The following LDB2 variants were observed in gnomAD, a reference collection of about 807,000 sequenced individuals.
LDB2 encodes the protein LIM domain-binding protein 2.
LDB2 carries 12 observed loss-of-function variants against 44.3 expected under a neutral mutation model. That is an observed-to-expected ratio of 0.27 (90% CI 0.17 to 0.44). The LOEUF (loss-of-function observed/expected upper bound fraction) is 0.44, where lower values mean the gene tolerates loss of function less well. Ranked by LOEUF, LDB2 falls within the 20% of genes least tolerant of loss-of-function variation. The pLI is 1.00. For missense variants in LDB2, 344 were observed against 473.5 expected (o/e 0.73, Z 2.54); for synonymous variants, 164 against 174.8 (o/e 0.94, Z 0.49).
chr4:16,553,413 C>T (rs542514109), intron 5 of LDB2, among the ~76,000 whole-genome samples: 3 of 152,290 alleles, frequency 2.0e-5, no homozygotes, highest in East Asian at 1.9e-4. Context: ...CCTCCCACCT[C>T]GGCCTTCCAA....
At chr4:16,594,498 C>T (rs1201544133) in intron 3 of LDB2, among the ~76,000 whole-genome samples, 4 of 152,154 alleles carry the variant, frequency 2.6e-5, no homozygotes, top group East Asian at 3.9e-4. Flanking sequence ...CCCTTTCCTA[C>T]ATTTAAAAAA....
chr4:16,793,914 T>C (rs1260038411), intron 1 of LDB2, among the ~76,000 whole-genome samples: 3 of 152,156 alleles, frequency 2.0e-5, no homozygotes, highest in Non-Finnish European at 4.4e-5. Context: ...CATGGGGTTA[T>C]TGGTGCAATT....
At chr4:16,609,340 AGGGGAGGGGGCGGGGG>A in intron 2 of LDB2, among the ~76,000 whole-genome samples, 2 of 30,356 alleles carry the variant, frequency 6.6e-5, no homozygotes, top group African/African-American at 5.5e-4. Flanking sequence ...CTGAACTCCC[AGGGGAGGGGGCGGGGG>A]GGGGAGGGGA....
intron 1 of LDB2, among the ~76,000 whole-genome samples, chr4:16,864,109 GGA>G (rs1229933984): frequency 6.6e-6 from 1 of 151,918 alleles, no homozygotes; most frequent in Non-Finnish European, 1.5e-5. Context: ...TGAGAGAGAG[GGA>G]GAGAGAGAAA....
intron 1 of LDB2, among the ~76,000 whole-genome samples, chr4:16,879,453 C>T (rs1245055285): frequency 6.6e-6 from 1 of 152,158 alleles, no homozygotes; most frequent in Admixed American, 6.5e-5. Context: ...ACAGCCCTCC[C>T]CAGTGGGGGT....
At chr4:16,871,874 G>A (rs1027453030) in intron 1 of LDB2, among the ~76,000 whole-genome samples, 3 of 152,056 alleles carry the variant, frequency 2.0e-5, no homozygotes, top group Middle Eastern at 3.4e-3. Flanking sequence ...CGCCCACCTC[G>A]GCCTCCCAAA....
At chr4:16,860,412 A>G (rs1028394928) in intron 1 of LDB2, among the ~76,000 whole-genome samples, 2 of 152,196 alleles carry the variant, frequency 1.3e-5, no homozygotes, top group Non-Finnish European at 2.9e-5. Flanking sequence ...GCAGATGTGC[A>G]ATCTTCTCAG....
At chr4:16,877,090 C>T (rs1718647256) in intron 1 of LDB2, among the ~76,000 whole-genome samples, 1 of 152,102 alleles carries the variant, frequency 6.6e-6, no homozygotes, top group African/African-American at 2.4e-5. Flanking sequence ...TTATTCCAAA[C>T]ATTTTCAAAT....
chr4:16,751,618 T>C (rs1765513867), intron 2 of LDB2, among the ~76,000 whole-genome samples: 1 of 152,358 alleles, frequency 6.6e-6, no homozygotes, highest in South Asian at 2.1e-4. Context: ...AAGAATATTC[T>C]CTTTCTGAGC....
intron 4 of LDB2, among the ~76,000 whole-genome samples, chr4:16,586,950 C>A (rs1359116390): frequency 6.6e-6 from 1 of 152,148 alleles, no homozygotes. Context: ...TGCCTTTTCT[C>A]ATAGTGATAC....
At chr4:16,655,361 G>A (rs1380304205) in intron 2 of LDB2, among the ~76,000 whole-genome samples, 1 of 152,174 alleles carries the variant, frequency 6.6e-6, no homozygotes, top group Non-Finnish European at 1.5e-5. Flanking sequence ...CAGGTCTGGA[G>A]ACCTGCCAGG....
intron 5 of LDB2, among the ~76,000 whole-genome samples, chr4:16,578,769 A>G (rs1712952092): frequency 6.6e-6 from 1 of 152,228 alleles, no homozygotes; most frequent in South Asian, 2.1e-4. Context: ...CAGCACTATT[A>G]ACAATAGCCA....
At chr4:16,561,181 C>G (rs974606308) in intron 5 of LDB2, among the ~76,000 whole-genome samples, 4 of 152,046 alleles carry the variant, frequency 2.6e-5, no homozygotes, top group Non-Finnish European at 5.9e-5. Context: ...CCTCTCTCAC[C>G]ACTCCTATTC....
intron 1 of LDB2, among the ~76,000 whole-genome samples, chr4:16,861,262 G>T (rs181511581): frequency 6.6e-6 from 1 of 152,074 alleles, no homozygotes; most frequent in Non-Finnish European, 1.5e-5. Flanking sequence ...TTATAGCCCT[G>T]AATCACTGCA....
intron 1 of LDB2, among the ~76,000 whole-genome samples, chr4:16,875,758 C>A (rs1390785157): frequency 6.6e-6 from 1 of 152,174 alleles, no homozygotes; most frequent in African/African-American, 2.4e-5. Context: ...AGGCCGTCTC[C>A]AGGGACCACC....
intron 1 of LDB2, among the ~76,000 whole-genome samples, chr4:16,778,274 AAC>A (rs574990818): frequency 6.6e-6 from 1 of 152,050 alleles, no homozygotes; most frequent in Non-Finnish European, 1.5e-5. Flanking sequence ...CTCCTCATGC[AAC>A]ACACACACAC....
chr4:16,717,060 A>T (rs1165888630), intron 2 of LDB2, among the ~76,000 whole-genome samples: 1 of 151,950 alleles, frequency 6.6e-6, no homozygotes, highest in African/African-American at 2.4e-5. Context: ...AGTTATTCAA[A>T]GTAATAGATG....
chr4:16,857,813 C>A lies in LDB2; in HGVS notation c.132+40541G>T, dbSNP rs894058686. ...TAAACAAGCAAACCTCCCGACCCAACTTCTTTACTCTCTTTTCCCTTACTC... is the reference window on the plus strand; with the variant it reads ...TAAACAAGCAAACCTCCCGACCCAAATTCTTTACTCTCTTTTCCCTTACTC... On this transcript the variant is annotated intron_variant, in intron 1 of 7. Transcript: ENST00000304523. Among the ~76,000 whole-genome samples the A allele has an allele frequency of 3.3e-5, 5 of 152,174 alleles. No individual in the cohort carries two copies. In the East Asian group the frequency reaches 7.7e-4, roughly 24 times the overall value.
chr4:16,649,650 C>A (rs1473150047), intron 2 of LDB2, among the ~76,000 whole-genome samples: 3 of 152,168 alleles, frequency 2.0e-5, no homozygotes, highest in Admixed American at 6.5e-5. Context: ...ACCTCAGTTC[C>A]CTCATTTGTA....
Sources: allele counts gnomAD v4.1 joint callset (sites outside exome capture counted in the v4.1 genomes callset), GRCh38; gene constraint gnomAD v4.1.1; transcripts MANE v1.5; gene names NCBI Gene and HGNC (gene_info 2026-07-23, HGNC 2026-07-21).